The following PAX2 variants were observed in gnomAD, a reference collection of about 807,000 sequenced individuals.
The protein encoded by PAX2 is paired box 2.
PAX2 carries 9 observed loss-of-function variants against 41.7 expected under a neutral mutation model. The ratio of observed to expected loss-of-function variants is 0.22; its 90% confidence interval spans 0.13 to 0.38. PAX2 has a LOEUF of 0.38. PAX2 is among the 10% of genes least tolerant of loss of function. The probability of loss-of-function intolerance (pLI) is 1.00; values close to 1 mark genes in which losing one functional copy is unlikely to be tolerated. For synonymous variants in PAX2, 221 were observed against 212.7 expected (o/e 1.04, Z -0.34); for missense variants, 418 against 531.6 (o/e 0.79, Z 2.10).
Position 100,745,959 on chromosome 10 carries a change from C to CA in PAX2, c.-301dup. The CA allele has an allele frequency of 7.7e-7, 1 of 1,296,992 alleles. No homozygotes were observed. 80.3% of individuals were successfully genotyped at this position (1,296,992 alleles called of 1,614,324 possible). A position where few individuals can be genotyped will look rare whatever the true frequency, so the allele number is the denominator to read the frequency against. ...CCCTGGCTGCAGCTGCAGCGCGAGC[C>CA]ATGCGCCCCCAGTGCACCCCGGCCC... On this transcript the variant is annotated 5_prime_UTR_variant, in exon 1 of 10. The change creates a new upstream start codon in the 5' untranslated region. Coordinates refer to ENST00000355243, the MANE Select transcript of PAX2 (RefSeq NM_000278.5).
At chr10:100,769,625 AGAAT>A (rs1846140509) in intron 3 of PAX2, among the ~76,000 whole-genome samples, 1 of 121,658 alleles carries the variant, frequency 8.2e-6, no homozygotes, top group African/African-American at 4.7e-5. Context: ...CATCTCAAAA[AGAAT>A]AAAATAAAAT....
upstream of PAX2, among the ~76,000 whole-genome samples, chr10:100,740,938 C>G (rs1328998960): frequency 6.6e-6 from 1 of 152,334 alleles, no homozygotes; most frequent in South Asian, 2.1e-4. Context: ...CTCCCAGCTT[C>G]GCTATTTTTT....
upstream of PAX2, among the ~76,000 whole-genome samples, chr10:100,741,937 C>T (rs894038093): frequency 3.9e-5 from 6 of 152,218 alleles, no homozygotes; most frequent in Non-Finnish European, 8.8e-5. Flanking sequence ...GTCCTAGCTC[C>T]CCTAGCCGCT....
rs1382363832 is a variant in PAX2 at position 100,827,875 on chromosome 10, G to A, written c.*256G>A. The A allele has an allele frequency of 2.6e-5, 13 of 494,716 alleles. No individual in the cohort carries two copies. The African/African-American group carries it at 2.8e-4, about 11-fold the overall frequency. 30.6% of individuals were successfully genotyped at this position (494,716 alleles called of 1,614,324 possible). On this transcript the variant is annotated 3_prime_UTR_variant, in exon 10 of 10. Transcript: ENST00000355243. The surrounding 1 kb of genome is among the most constrained non-coding windows in gnomAD (Gnocchi z 8.5). ...CCAGCCCCGCCTGCCGCCCCTCCCC[G>A]CCTGCCTGGACTGCGCGGCGCCGTG...
intron 3 of PAX2, among the ~76,000 whole-genome samples, chr10:100,766,964 AC>A (rs1846050981): frequency 6.6e-6 from 1 of 152,234 alleles, no homozygotes. Context: ...AGACACTGCC[AC>A]CAAACAATAC....
chr10:100,735,756 C>T (rs1844762849), intron 1 of PAX2: 4 of 1,034,438 alleles, frequency 3.9e-6, no homozygotes, highest in Non-Finnish European at 4.7e-6. Flanking sequence ...GAGACCCGTC[C>T]GCGCCGCAGG....
chr10:100,806,312 T>A, intron 5 of PAX2, 118 bp from the exon 6 acceptor site: 2 of 1,027,170 alleles, frequency 1.9e-6, no homozygotes, highest in Non-Finnish European at 3.0e-6. Context: ...GAGTAAGGGG[T>A]CCCATAGGGG....
intron 7 of PAX2, among the ~76,000 whole-genome samples, chr10:100,818,200 A>C (rs1292516747): frequency 6.6e-6 from 1 of 152,228 alleles, no homozygotes; most frequent in Non-Finnish European, 1.5e-5. Context: ...GCTCATTTTC[A>C]GAGAAAGATG....
At chr10:100,820,596 A>G (rs1047292275) in intron 7 of PAX2, among the ~76,000 whole-genome samples, 1 of 152,182 alleles carries the variant, frequency 6.6e-6, no homozygotes, top group Admixed American at 6.5e-5. Flanking sequence ...GCACACAACT[A>G]TAGTCCCAGC....
chr10:100,765,898 T>C (rs1440399746), intron 3 of PAX2, among the ~76,000 whole-genome samples: 1 of 147,554 alleles, frequency 6.8e-6, no homozygotes, highest in Non-Finnish European at 1.5e-5. Context: ...GCTGCTTTAC[T>C]CAGAAAGCCT....
chr10:100,794,409 G>A (rs1367107699), intron 5 of PAX2, among the ~76,000 whole-genome samples: 1 of 152,158 alleles, frequency 6.6e-6, no homozygotes, highest in African/African-American at 2.4e-5. Context: ...ACAGAGAATG[G>A]TGGTGGTGGT....
rs1490984835 is a variant in PAX2 at position 100,748,347 on chromosome 10, A to G, written c.44-1399A>G. ...AGATTAACGGGGTGGGCAAGGGGGT[A>G]AAAGAAGGGGCTTCAGTCTCTCCCA... On this transcript the variant is annotated intron_variant, in intron 1 of 9. Transcript: ENST00000355243. The surrounding 1 kb of genome is among the most constrained non-coding windows in gnomAD (Gnocchi z 5.0). The G allele has an allele frequency of 3.0e-6, 3 of 984,246 alleles. No individual in the cohort carries two copies. The highest frequency in any genetic ancestry group is 6.2e-5 in the Admixed American group (1 of 16,248). The allele number at this position is 984,246 out of a possible 1,614,324, so 61.0% of individuals were successfully genotyped here.
intron 3 of PAX2, among the ~76,000 whole-genome samples, chr10:100,774,408 T>C (rs1036944851): frequency 6.6e-6 from 1 of 152,086 alleles, no homozygotes; most frequent in Admixed American, 6.5e-5. Flanking sequence ...TAGTGGGGCT[T>C]GGTCCAGCCC....
At chr10:100,817,789 T>G (rs1028332133) in intron 7 of PAX2, among the ~76,000 whole-genome samples, 1 of 152,170 alleles carries the variant, frequency 6.6e-6, no homozygotes, top group African/African-American at 2.4e-5. Flanking sequence ...ACTCAAATCC[T>G]GGGAGGATTT....
At chr10:100,822,097 T>G (rs1192855336) in intron 7 of PAX2, among the ~76,000 whole-genome samples, 1 of 152,194 alleles carries the variant, frequency 6.6e-6, no homozygotes, top group Non-Finnish European at 1.5e-5. Flanking sequence ...AAAACCCACA[T>G]CAAAGCAAAC....
rs1848565209 is a variant in PAX2 at position 100,826,367 on chromosome 10, T to TC, written c.1022-640dup. Reference sequence around the variant, plus strand: ...CTCCCGCAGAGGGAGGGAGGTAGCTTCCGACGACGGCTCCCAACCCACGGG... The same window carrying TC: ...CTCCCGCAGAGGGAGGGAGGTAGCTTCCCGACGACGGCTCCCAACCCACGGG... On this transcript the variant is annotated intron_variant, in intron 8 of 9. Transcript: ENST00000355243. The surrounding 1 kb of genome is among the most constrained non-coding windows in gnomAD (Gnocchi z 5.5). 6.6e-6 allele frequency among the ~76,000 whole-genome samples: 1 copy of TC among 152,058 alleles called. No individual in the cohort carries two copies. Among genetic ancestry groups the TC allele is most frequent in the South Asian group, 2.1e-4 (1 of 4,828 alleles).
intron 5 of PAX2, among the ~76,000 whole-genome samples, chr10:100,804,566 G>A (rs1847691413): frequency 6.6e-6 from 1 of 152,178 alleles, no homozygotes; most frequent in Non-Finnish European, 1.5e-5. Context: ...AAATGAGGAT[G>A]ATGGCACATC....
chr10:100,787,329 C>A (rs1846909447), intron 5 of PAX2, among the ~76,000 whole-genome samples: 4 of 152,150 alleles, frequency 2.6e-5, no homozygotes, highest in Admixed American at 2.6e-4. Flanking sequence ...CAAAGGAGAC[C>A]TGGAAGCACC....
chr10:100,822,710 G>T (rs1848412554), intron 7 of PAX2, among the ~76,000 whole-genome samples: 2 of 152,218 alleles, frequency 1.3e-5, no homozygotes, highest in South Asian at 4.1e-4. Context: ...TAAGGCTTCA[G>T]TGGGGAAGGA....
Sources: gnomAD v4.1 joint callset for allele counts (sites outside exome capture counted in the v4.1 genomes callset) on GRCh38, gnomAD v4.1.1 for gene constraint, Gnocchi (gnomAD v3.1) non-coding constraint, MANE v1.5 for transcripts, NCBI Gene and HGNC (gene_info 2026-07-23, HGNC 2026-07-21) for gene names.